The following GHR variants were observed in gnomAD, a reference collection of about 807,000 sequenced individuals.
The protein encoded by GHR is growth hormone receptor.
In GHR, 35 loss-of-function variants were observed where a neutral mutation model predicts 67.1. That is an observed-to-expected ratio of 0.52 (90% CI 0.40 to 0.69). The LOEUF (loss-of-function observed/expected upper bound fraction) is 0.69. Among genes scored for constraint, GHR ranks in the 30% least tolerant of loss-of-function variants. The probability of loss-of-function intolerance (pLI) is 0.00; values close to 1 mark genes in which losing one functional copy is unlikely to be tolerated. For synonymous variants in GHR, 272 were observed against 269.1 expected (o/e 1.01, Z -0.10); for missense variants, 792 against 764.6 (o/e 1.04, Z -0.42).
intron 3 of GHR, among the ~76,000 whole-genome samples, chr5:42,636,442 A>G (rs1432416597): frequency 6.6e-6 from 1 of 152,202 alleles, no homozygotes; most frequent in Non-Finnish European, 1.5e-5. Flanking sequence ...AAAGCATCCA[A>G]CAGTTGGTTG....
At chr5:42,677,173 A>T (rs1418008249) in intron 3 of GHR, among the ~76,000 whole-genome samples, 2 of 152,170 alleles carry the variant, frequency 1.3e-5, no homozygotes, top group Non-Finnish European at 2.9e-5. Context: ...TTAGTGAGAG[A>T]ACTCAAAACT....
Position 42,632,736 on chromosome 5 carries a change from G to A in GHR, c.136+3633G>A, listed in dbSNP as rs1037132106. On this transcript the variant is annotated intron_variant, in intron 3 of 9. Transcript: ENST00000230882. The stretch of plus-strand genomic sequence containing the variant: ...TAGCAGCATACTCCACTTATGCAAA[G>A]GTCAGCCCAGGGTAAATATGGGCAA... Among the ~76,000 whole-genome samples the A allele has an allele frequency of 4.6e-5, 7 of 152,220 alleles. No individual in the cohort carries two copies. The South Asian group carries it at 1.5e-3, about 32-fold the overall frequency.
chr5:42,513,416 C>T (rs1436204707), intron 1 of GHR, among the ~76,000 whole-genome samples: 1 of 152,192 alleles, frequency 6.6e-6, no homozygotes, highest in East Asian at 1.9e-4. Context: ...AGCAGCCCCA[C>T]TCAGGGCCAT....
At chr5:42,470,997 C>G (rs1744988877) in intron 1 of GHR, among the ~76,000 whole-genome samples, 1 of 152,002 alleles carries the variant, frequency 6.6e-6, no homozygotes, top group South Asian at 2.1e-4. Flanking sequence ...GGATTAAGTC[C>G]TCCAAATTTT....
chr5:42,565,898 G>A lies in GHR; in HGVS notation c.24G>A (p.Leu8=). Residue 8 remains leucine (L), a synonymous_variant, in exon 2 of 10, where the codon TTG becomes TTA. Transcript: ENST00000230882. The part of the protein sequence containing the change: MDLWQLL[L]TLALAGSSDA... ...GTATGGATCTCTGGCAGCTGCTGTT[G>A]ACCTTGGCACTGGCAGGATCAAGTG... The A allele has an allele frequency of 1.2e-6, 2 of 1,614,054 alleles. No homozygotes were observed. The highest frequency in any genetic ancestry group is 1.7e-6 in the Non-Finnish European group (2 of 1,179,944).
At chr5:42,545,636 T>C (rs1042784450) in intron 1 of GHR, among the ~76,000 whole-genome samples, 2 of 152,322 alleles carry the variant, frequency 1.3e-5, no homozygotes, top group African/African-American at 4.8e-5. Flanking sequence ...GTGTCTGCGC[T>C]TGAAATTCTG....
chr5:42,514,484 AG>A (rs1215894867), intron 1 of GHR: 12 of 213,616 alleles, frequency 5.6e-5, no homozygotes, highest in Admixed American at 3.3e-4. Flanking sequence ...AAAAAAAAAA[AG>A]AAGCTATTCA....
intron 2 of GHR, among the ~76,000 whole-genome samples, chr5:42,620,556 C>T (rs1753389949): frequency 6.6e-6 from 1 of 152,082 alleles, no homozygotes; most frequent in South Asian, 2.1e-4. Context: ...TGGATCCCAA[C>T]TAGGAGAAAG....
At chr5:42,475,060 T>G (rs529105519) in intron 1 of GHR, among the ~76,000 whole-genome samples, 3 of 151,960 alleles carry the variant, frequency 2.0e-5, no homozygotes, top group African/African-American at 7.3e-5. Flanking sequence ...ATTTTTGTAT[T>G]TGTAGTAGTG....
At chr5:42,646,049 C>T (rs1561193808) in intron 3 of GHR, among the ~76,000 whole-genome samples, 2 of 152,176 alleles carry the variant, frequency 1.3e-5, no homozygotes, top group Non-Finnish European at 2.9e-5. Flanking sequence ...CATGGCTCAC[C>T]TTCTACCAAA....
chr5:42,551,389 C>T (rs1667326642), intron 1 of GHR, among the ~76,000 whole-genome samples: 1 of 152,086 alleles, frequency 6.6e-6, no homozygotes, highest in Admixed American at 6.6e-5. Flanking sequence ...TTGAACGTGA[C>T]TTTGAAGGGT....
chr5:42,500,701 T>A (rs901678385), intron 1 of GHR, among the ~76,000 whole-genome samples: 3 of 152,178 alleles, frequency 2.0e-5, no homozygotes, highest in Non-Finnish European at 4.4e-5. Context: ...GACAGAGAAC[T>A]CAAAATAGTA....
intron 3 of GHR, among the ~76,000 whole-genome samples, chr5:42,657,902 G>A (rs181918048): frequency 6.6e-6 from 1 of 152,108 alleles, no homozygotes; most frequent in African/African-American, 2.4e-5. Flanking sequence ...CTGAGTAGGT[G>A]GTCCTAAAAT....
At chr5:42,631,551 C>G (rs1014709522) in intron 3 of GHR, among the ~76,000 whole-genome samples, 1 of 152,178 alleles carries the variant, frequency 6.6e-6, no homozygotes, top group Non-Finnish European at 1.5e-5. Context: ...ATTTAACAGT[C>G]TGCTGTGTAC....
intron 3 of GHR, among the ~76,000 whole-genome samples, chr5:42,680,920 C>A (rs901712600): frequency 6.6e-6 from 1 of 152,008 alleles, no homozygotes; most frequent in Non-Finnish European, 1.5e-5. Flanking sequence ...CATAGGCATA[C>A]ATGTGCCATG....
intron 1 of GHR, among the ~76,000 whole-genome samples, chr5:42,460,403 A>AAC (rs950057972): frequency 5.4e-4 from 82 of 152,350 alleles, no homozygotes; most frequent in African/African-American, 1.9e-3. Flanking sequence ...TTTACTAGCT[A>AAC]ACACATTACA....
intron 1 of GHR, among the ~76,000 whole-genome samples, chr5:42,561,571 G>A (rs1749607870): frequency 6.6e-6 from 1 of 152,166 alleles, no homozygotes; most frequent in Non-Finnish European, 1.5e-5. Context: ...ATGTAATTTG[G>A]AGGCCTCCTC....
At chr5:42,599,631 C>G (rs1001536430) in intron 2 of GHR, among the ~76,000 whole-genome samples, 4 of 152,026 alleles carry the variant, frequency 2.6e-5, no homozygotes, top group Non-Finnish European at 4.4e-5. Flanking sequence ...TCCCAAAGTG[C>G]TGGGATTACA....
intron 4 of GHR, among the ~76,000 whole-genome samples, chr5:42,692,396 C>T (rs755771899): frequency 1.3e-5 from 2 of 152,036 alleles, no homozygotes; most frequent in Non-Finnish European, 2.9e-5. Context: ...GGAGTAAGAG[C>T]AGAGGGGAGC....
Sources: allele counts gnomAD v4.1 joint callset (sites outside exome capture counted in the v4.1 genomes callset), GRCh38; gene constraint gnomAD v4.1.1; transcripts MANE v1.5; gene names NCBI Gene and HGNC (gene_info 2026-07-23, HGNC 2026-07-21).